The following TEX11 variants were observed in gnomAD, a reference collection of about 807,000 sequenced individuals.
The protein encoded by TEX11 is testis expressed 11.
In TEX11, 7 loss-of-function variants were observed where a neutral mutation model predicts 84.4. That is an observed-to-expected ratio of 0.08 (90% confidence interval 0.05 to 0.16). TEX11 has a LOEUF of 0.16. Among genes scored for constraint, TEX11 ranks in the 10% least tolerant of loss-of-function variants. TEX11 has a pLI of 1.00. For synonymous variants in TEX11, 264 were observed against 222.8 expected, an observed-to-expected ratio of 1.18 and a Z score of -1.64; for missense variants, 551 against 660.5, an observed-to-expected ratio of 0.83 and a Z score of 1.82.
downstream of TEX11, among the ~76,000 whole-genome samples, chrX:70,526,622 A>T (rs1471684459): frequency 9.0e-6 from 1 of 110,974 alleles, no homozygotes; most frequent in South Asian, 3.9e-4. Context: ...TGAACTCATG[A>T]TTTTCTATGT....
At chrX:70,646,251 A>T (rs1247255241) in intron 17 of TEX11, among the ~76,000 whole-genome samples, 1 of 112,318 alleles carries the variant, frequency 8.9e-6, no homozygotes, top group African/African-American at 3.2e-5. Flanking sequence ...CTTTTCTCAC[A>T]ATATATAAAA....
chrX:70,639,931 C>T (rs2089630258), intron 17 of TEX11, among the ~76,000 whole-genome samples: 1 of 111,817 alleles, frequency 8.9e-6, no homozygotes, highest in African/African-American at 3.3e-5. Flanking sequence ...AGGACTTTGA[C>T]GAGCTGAGAG....
intron 16 of TEX11, among the ~76,000 whole-genome samples, chrX:70,663,122 T>C (rs1302583205): frequency 1.8e-5 from 2 of 111,759 alleles, no homozygotes; most frequent in Non-Finnish European, 1.9e-5. Flanking sequence ...TATAATACAT[T>C]TTATCAGGTT....
At chrX:70,669,801 G>A (rs916515146) in intron 16 of TEX11, among the ~76,000 whole-genome samples, 2 of 112,393 alleles carry the variant, frequency 1.8e-5, no homozygotes, top group African/African-American at 6.5e-5. Flanking sequence ...CTCATTACGT[G>A]CATACCATAT....
chrX:70,860,803 T>C (rs963584528), intron 5 of TEX11, 54 bp downstream of exon 5: 7 of 889,993 alleles, frequency 7.9e-6, no homozygotes, highest in Middle Eastern at 2.7e-4. Flanking sequence ...ACCATTTTCA[T>C]AGAAGTAACA....
At chrX:70,901,004 T>C (rs1046019398) in intron 2 of TEX11, among the ~76,000 whole-genome samples, 2 of 110,916 alleles carry the variant, frequency 1.8e-5, no homozygotes, top group Non-Finnish European at 3.8e-5. Context: ...TCGCTTGAGC[T>C]CAGGAGCTCA....
the TEX11 span, among the ~76,000 whole-genome samples, chrX:70,519,043 T>C: frequency 8.9e-6 from 1 of 111,946 alleles, no homozygotes; most frequent in Non-Finnish European, 1.9e-5. Context: ...TATAGCACAC[T>C]GATGGGTCTT....
intron 25 of TEX11, among the ~76,000 whole-genome samples, chrX:70,589,626 G>A (rs1186791432): frequency 4.5e-5 from 5 of 111,374 alleles, no homozygotes; most frequent in South Asian, 3.8e-4. Context: ...GGGTTCAAGC[G>A]ATTCTCGTGT....
chrX:70,520,451 C>CTGCAGAACAGCAAATAT, the TEX11 span, among the ~76,000 whole-genome samples: 10 of 112,414 alleles, frequency 8.9e-5, no homozygotes, highest in Non-Finnish European at 1.5e-4. Context: ...GCCGTGGAGG[C>CTGCAGAACAGCAAATAT]TGCAGAACAG....
At chrX:70,600,479 A>T (rs1245192718) in intron 24 of TEX11, among the ~76,000 whole-genome samples, 1 of 110,926 alleles carries the variant, frequency 9.0e-6, no homozygotes, top group African/African-American at 3.3e-5. Flanking sequence ...GTCAATAAGG[A>T]TACCCAGGAA....
intron 15 of TEX11, among the ~76,000 whole-genome samples, chrX:70,675,588 C>T (rs1047795582): frequency 1.9e-5 from 2 of 107,554 alleles, no homozygotes; most frequent in Non-Finnish European, 3.9e-5. Context: ...TCTCTTCTTT[C>T]TCTTCTCGTT....
At chrX:70,863,593 A>C (rs2091582012) in intron 4 of TEX11, among the ~76,000 whole-genome samples, 2 of 112,061 alleles carry the variant, frequency 1.8e-5, no homozygotes, top group Non-Finnish European at 3.8e-5. Flanking sequence ...AAAGATCAAA[A>C]AGGTAGATAA....
intron 11 of TEX11, among the ~76,000 whole-genome samples, chrX:70,728,138 G>A (rs1359423059): frequency 8.9e-6 from 1 of 112,790 alleles, no homozygotes; most frequent in Non-Finnish European, 1.9e-5. Flanking sequence ...GGTGGTCCCT[G>A]AATCAGCACC....
At chrX:70,619,778 A>C (rs191700078) in intron 20 of TEX11, among the ~76,000 whole-genome samples, 1 of 110,616 alleles carries the variant, frequency 9.0e-6, no homozygotes, top group Non-Finnish European at 1.9e-5. Context: ...TGGACAAATT[A>C]TTAATGACTG....
intron 8 of TEX11, among the ~76,000 whole-genome samples, chrX:70,826,731 CAGG>C (rs1042361584): frequency 9.0e-6 from 1 of 111,595 alleles, no homozygotes; most frequent in Admixed American, 9.6e-5. Context: ...GCCTTAGCCA[CAGG>C]AGAATTACCC....
At chrX:70,799,150 C>T (rs1056833734) in intron 9 of TEX11, among the ~76,000 whole-genome samples, 4 of 111,561 alleles carry the variant, frequency 3.6e-5, no homozygotes, top group Admixed American at 9.5e-5. Context: ...AACATAAGCT[C>T]CATCAAGTTT....
At chrX:70,696,593 C>A (rs758419243) in intron 13 of TEX11, among the ~76,000 whole-genome samples, 1 of 110,498 alleles carries the variant, frequency 9.0e-6, no homozygotes, top group South Asian at 3.9e-4. Flanking sequence ...CACAGTGAGA[C>A]CCTGTCTCTA....
downstream of TEX11, among the ~76,000 whole-genome samples, chrX:70,528,443 G>A (rs1402507265): frequency 2.7e-5 from 3 of 109,441 alleles, no homozygotes; most frequent in East Asian, 5.7e-4. Flanking sequence ...TCAGCCTCCC[G>A]AGTAGCTGGG....
At chrX:70,859,704 GA>G (rs1200659957) in intron 5 of TEX11, among the ~76,000 whole-genome samples, 1 of 110,479 alleles carries the variant, frequency 9.1e-6, no homozygotes, top group Non-Finnish European at 1.9e-5. Context: ...TTGGGGGGTG[GA>G]AATAAATGTT....
Sources: allele counts gnomAD v4.1 joint callset (sites outside exome capture counted in the v4.1 genomes callset), GRCh38; gene constraint gnomAD v4.1.1; transcripts MANE v1.5; gene names NCBI Gene and HGNC (gene_info 2026-07-23, HGNC 2026-07-21).